Variants in ALK observed in about 807,000 individuals in gnomAD.
ALK encodes ALK tyrosine kinase receptor.
ALK carries 74 observed loss-of-function variants against 163.1 expected under a neutral mutation model. That is an observed-to-expected ratio of 0.45 (90% CI 0.38 to 0.55). The LOEUF (loss-of-function observed/expected upper bound fraction) is 0.55. Ranked by LOEUF, ALK falls within the 20% of genes least tolerant of loss-of-function variation. The pLI is 0.00. For missense variants in ALK, 2,063 were observed against 2,105.3 expected, an observed-to-expected ratio of 0.98 and a Z score of 0.39; for synonymous variants, 960 against 843.2, an observed-to-expected ratio of 1.14 and a Z score of -2.40.
At chr2:29,408,195 G>A (rs552070534) in intron 4 of ALK, among the ~76,000 whole-genome samples, 5 of 150,788 alleles carry the variant, frequency 3.3e-5, no homozygotes, top group Non-Finnish European at 5.9e-5. Flanking sequence ...CGATTCTCCT[G>A]CCTCAGCCTC....
At chr2:29,764,044 C>A (rs1295526685) in intron 1 of ALK, among the ~76,000 whole-genome samples, 1 of 152,170 alleles carries the variant, frequency 6.6e-6, no homozygotes, top group Non-Finnish European at 1.5e-5. Context: ...TCAGAGACAT[C>A]CTGTGACCTC....
chr2:29,239,444 G>T (rs1243461274), intron 13 of ALK, among the ~76,000 whole-genome samples: 1 of 152,140 alleles, frequency 6.6e-6, no homozygotes, highest in Non-Finnish European at 1.5e-5. Flanking sequence ...ACCTGGCAGG[G>T]TGCTGAGTTC....
At chr2:29,709,553 A>G (rs763689657) in intron 2 of ALK, among the ~76,000 whole-genome samples, 11 of 152,226 alleles carry the variant, frequency 7.2e-5, no homozygotes, top group Non-Finnish European at 1.6e-4. Context: ...AACGTCTAGG[A>G]AGAGTGATAA....
chr2:29,758,370 GTTAGGACTCACT>G (rs1211164111), intron 1 of ALK, among the ~76,000 whole-genome samples: 1 of 152,092 alleles, frequency 6.6e-6, no homozygotes, highest in Non-Finnish European at 1.5e-5. Context: ...TGGCCTTGGT[GTTAGGACTCACT>G]TTAGCATTAA....
At position 29,705,240 on chromosome 2, in the gene ALK, AATATATATATAT is replaced by A. The variant is rs1172702963; in HGVS notation, c.788-10238_788-10227del. Reference sequence around the variant, plus strand: ...CTCAACAAAAAAAGAAAAGAAAAGAAATATATATATATATATATATATATATATATATATATA... The same window carrying A: ...CTCAACAAAAAAAGAAAAGAAAAGAAATATATATATATATATATATATATA... On this transcript the variant is annotated intron_variant, in intron 2 of 28. Coordinates refer to ENST00000389048, the MANE Select transcript of ALK (RefSeq NM_004304.5). 5.7e-4 allele frequency among the ~76,000 whole-genome samples: 27 copies of A among 47,122 alleles called. 4 individuals carry two copies. The highest frequency in any genetic ancestry group is 1.2e-3 in the East Asian group (1 of 862). 30.9% of individuals were successfully genotyped at this position (47,122 alleles called of 152,430 possible). A position where few individuals can be genotyped will look rare whatever the true frequency, so the allele number is the denominator to read the frequency against.
intron 7 of ALK, among the ~76,000 whole-genome samples, chr2:29,320,079 G>C (rs1666971201): frequency 6.6e-6 from 1 of 152,206 alleles, no homozygotes; most frequent in Admixed American, 6.5e-5. Flanking sequence ...TGGCCATATA[G>C]ACCCTCTGTG....
chr2:29,260,031 A>G (rs17783146), intron 11 of ALK, among the ~76,000 whole-genome samples: 1 of 152,252 alleles, frequency 6.6e-6, no homozygotes, highest in Non-Finnish European at 1.5e-5. Context: ...ACAAGAAAAT[A>G]GAGTCTTTGA....
chr2:29,880,718 T>A (rs1198506696), intron 1 of ALK, among the ~76,000 whole-genome samples: 1 of 152,210 alleles, frequency 6.6e-6, no homozygotes, highest in Non-Finnish European at 1.5e-5. Flanking sequence ...ACATTTCTTC[T>A]AGTACCCATG....
At chr2:29,665,756 G>A (rs1195525758) in intron 3 of ALK, among the ~76,000 whole-genome samples, 1 of 152,054 alleles carries the variant, frequency 6.6e-6, no homozygotes, top group Admixed American at 6.6e-5. Context: ...CTTCAACAGG[G>A]CTTCCCCTGG....
intron 1 of ALK, among the ~76,000 whole-genome samples, chr2:29,909,555 C>T (rs1382251017): frequency 6.6e-6 from 1 of 151,072 alleles, no homozygotes; most frequent in Non-Finnish European, 1.5e-5. Context: ...CCTCTTGAGT[C>T]TTTGGCTAAA....
Position 29,901,766 on chromosome 2 carries a change from G to A in ALK, c.667+18227C>T, listed in dbSNP as rs193179474. ...GTGATCTATGAAGGATTGGAGAGGG[G>A]GTCAGGAAGATCGCCGTATCTTCTG... On this transcript the variant is annotated intron_variant, in intron 1 of 28. Coordinates refer to ENST00000389048, the MANE Select transcript of ALK (RefSeq NM_004304.5). Among the ~76,000 whole-genome samples the A allele has an allele frequency of 7.2e-4, 109 of 152,270 alleles. 1 individual carries two copies. Among genetic ancestry groups the A allele is most frequent in the Admixed American group, 1.2e-3 (18 of 15,296 alleles).
intron 1 of ALK, among the ~76,000 whole-genome samples, chr2:29,822,449 G>A (rs1314268292): frequency 6.6e-6 from 1 of 152,164 alleles, no homozygotes; most frequent in East Asian, 1.9e-4. Context: ...ATTTGCTCAG[G>A]GAGCATCACT....
intron 9 of ALK, among the ~76,000 whole-genome samples, chr2:29,281,759 T>A (rs1055587664): frequency 1.2e-4 from 18 of 152,130 alleles, no homozygotes; most frequent in African/African-American, 3.6e-4. Context: ...GTGGGCCAAG[T>A]CTGGAAGGGC....
At chr2:29,295,648 G>A (rs998256412) in intron 9 of ALK, among the ~76,000 whole-genome samples, 1 of 152,184 alleles carries the variant, frequency 6.6e-6, no homozygotes, top group Admixed American at 6.5e-5. Flanking sequence ...TGAGCTCTTG[G>A]ACATAGCAGA....
chr2:29,631,595 A>T (rs1186940472), intron 3 of ALK, among the ~76,000 whole-genome samples: 1 of 152,202 alleles, frequency 6.6e-6, no homozygotes, highest in Non-Finnish European at 1.5e-5. Flanking sequence ...AACCTCTTTG[A>T]TTTCATTGCT....
At chr2:29,449,262 A>G (rs973613217) in intron 4 of ALK, among the ~76,000 whole-genome samples, 1 of 152,248 alleles carries the variant, frequency 6.6e-6, no homozygotes, top group Non-Finnish European at 1.5e-5. Context: ...ACACAAGTCA[A>G]CTAATCTGAA....
At chr2:29,686,191 C>T (rs973976085) in intron 3 of ALK, among the ~76,000 whole-genome samples, 2 of 152,194 alleles carry the variant, frequency 1.3e-5, no homozygotes, top group Non-Finnish European at 2.9e-5. Context: ...TATCTCTATG[C>T]TGTGATCCCT....
chr2:29,197,267 A>G (rs765543232), intron 27 of ALK, among the ~76,000 whole-genome samples: 1 of 152,178 alleles, frequency 6.6e-6, no homozygotes, highest in Non-Finnish European at 1.5e-5. Flanking sequence ...CCTGGGACAC[A>G]CATTCCCAGC....
intron 3 of ALK, among the ~76,000 whole-genome samples, chr2:29,600,790 G>A (rs914645320): frequency 8.5e-5 from 13 of 152,214 alleles, no homozygotes; most frequent in Admixed American, 3.9e-4. Flanking sequence ...AACAGTAGAA[G>A]AGGTATGGTG....
Sources: allele counts gnomAD v4.1 joint callset (sites outside exome capture counted in the v4.1 genomes callset), GRCh38; gene constraint gnomAD v4.1.1; transcripts MANE v1.5; gene names NCBI Gene and HGNC (gene_info 2026-07-23, HGNC 2026-07-21).